Variants in TUBGCP2 observed in about 807,000 individuals in gnomAD.
TUBGCP2 encodes gamma-tubulin complex component 2.
A neutral mutation model predicts 92.2 loss-of-function variants in TUBGCP2; 55 were observed. The observed-to-expected ratio is 0.60, with a 90% CI of 0.48 to 0.75. The LOEUF (loss-of-function observed/expected upper bound fraction) is 0.75, where lower values mean the gene tolerates loss of function less well. TUBGCP2 is among the 30% of genes least tolerant of loss of function. TUBGCP2 has a pLI of 0.00. For missense variants in TUBGCP2, 1,093 were observed against 1,188.9 expected, an observed-to-expected ratio of 0.92 and a Z score of 1.19; for synonymous variants, 533 against 505.2, an observed-to-expected ratio of 1.06 and a Z score of -0.74.
rs1364663513 is a variant in TUBGCP2 at position 133,285,854 on chromosome 10, C to A, written c.1723-226G>T. ...AAACAACAAAAATTCAGATGAATTA[C>A]TTTGTAAATACCCACTGCTGCTGTG... On this transcript the variant is annotated intron_variant, in intron 11 of 17. Coordinates refer to ENST00000252936, the MANE Select transcript of TUBGCP2 (RefSeq NM_006659.4). This position sits in a 1 kb window ranked among gnomAD's most constrained non-coding sequence, Gnocchi z 6.8. Among the ~76,000 whole-genome samples, 1 of 152,112 alleles carries A rather than the reference C, an allele frequency of 6.6e-6. No individual in the cohort carries two copies. The highest frequency in any genetic ancestry group is 2.4e-5 in the African/African-American group (1 of 41,420).
In TUBGCP2 at chr10:133,288,820, G is replaced by C. The variant is rs779121834; in HGVS notation, c.1541+20C>G. The stretch of plus-strand genomic sequence containing the variant: ...TCAGAGGGAGGTGAGTGCCCGCACA[G>C]GGACAGGGCACGGAATCACCTGAGG... On this transcript the variant is annotated intron_variant, in intron 10 of 17. Coordinates refer to ENST00000252936, the MANE Select transcript of TUBGCP2 (RefSeq NM_006659.4). 4 of 1,587,076 alleles carry C rather than the reference G, an allele frequency of 2.5e-6. No homozygotes were observed.
intron 8 of TUBGCP2, chr10:133,291,177 TGTGCTTTCCTGA>T (rs1292295084): frequency 4.8e-6 from 2 of 417,394 alleles, no homozygotes; most frequent in East Asian, 8.0e-5. Context: ...CTGCCCGGGG[TGTGCTTTCCTGA>T]GACCACAAGC....
At chr10:133,299,960 T>C (rs748437332) in intron 3 of TUBGCP2, 25 bp downstream of exon 3, 1 of 1,612,584 alleles carries the variant, frequency 6.2e-7, no homozygotes. Flanking sequence ...ACGGGCGCAG[T>C]GTGGCACGTG....
chr10:133,300,202 C>T, intron 2 of TUBGCP2, 89 bp from the exon 3 acceptor site: 2 of 1,465,018 alleles, frequency 1.4e-6, no homozygotes, highest in Non-Finnish European at 1.9e-6. Flanking sequence ...CACAATAAGC[C>T]AATGGAATTA....
chr10:133,299,710 C>T, intron 3 of TUBGCP2, 107 bp from the exon 4 acceptor site: 1 of 1,022,904 alleles, frequency 9.8e-7, no homozygotes, highest in South Asian at 1.6e-5. Context: ...CTGACAGGCA[C>T]CCATTAATAG....
At chr10:133,293,426 T>G (rs1476044961) in intron 6 of TUBGCP2, 136 bp downstream of exon 6, 4 of 1,223,052 alleles carry the variant, frequency 3.3e-6, no homozygotes, top group Non-Finnish European at 3.4e-6. Context: ...CCTCCAAAAC[T>G]GAGTTGGGCA....
chr10:133,311,257 C>G (rs1008133212), upstream of TUBGCP2, among the ~76,000 whole-genome samples: 2 of 152,178 alleles, frequency 1.3e-5, no homozygotes, highest in African/African-American at 4.8e-5. Context: ...GGAGAACCCA[C>G]TGCAATGTGG....
upstream of TUBGCP2, among the ~76,000 whole-genome samples, chr10:133,310,889 C>G (rs1847976591): frequency 6.6e-6 from 1 of 152,070 alleles, no homozygotes; most frequent in Non-Finnish European, 1.5e-5. Context: ...GCAACCTCCA[C>G]TTCTCAGGCT....
At chr10:133,293,382 G>A in intron 6 of TUBGCP2, 144 bp from the exon 7 acceptor site, 2 of 1,202,654 alleles carry the variant, frequency 1.7e-6, no homozygotes, top group Non-Finnish European at 1.2e-6. Flanking sequence ...CCCAGGAGGA[G>A]ATGAGTCAGG....
At chr10:133,288,706 C>G (rs1216916660) in intron 10 of TUBGCP2, 134 bp downstream of exon 10, 1 of 1,060,634 alleles carries the variant, frequency 9.4e-7, no homozygotes, top group Admixed American at 2.8e-5. Flanking sequence ...AGCTAGAGAC[C>G]ATCCAGCAGT....
chr10:133,282,231 C>T lies in TUBGCP2; in HGVS notation c.2401G>A (p.Ala801Thr), dbSNP rs767506396. Residue 801 changes from alanine to threonine, a missense_variant, in exon 16 of 18, where the codon GCC becomes ACC. Ala to Thr is a moderately conservative substitution (Grantham distance 58, BLOSUM62 0). Transcript: ENST00000252936. ...GAEERARKEL[A>T]RKHLAEHADT... ...ACCTGGAGGCCACGCACCTTCCTGG[C>T]GAGCTCCTTCCGGGCCCGCTCCTCG... 9.3e-6 allele frequency: 15 copies of T among 1,611,516 alleles called. No homozygotes were observed. Among genetic ancestry groups the T allele is most frequent in the African/African-American group, 6.7e-5 (5 of 74,858 alleles).
rs768169748 is a variant in TUBGCP2, at chr10:133,299,533, G to A, written c.350C>T (p.Thr117Ile). ...CGCGGCAGGGACGTTGATGCTGGTG[G>A]TACTGCTGCCCACAGCAGCGGCTGC... ...ELAAAAVGSS[T>I]TSINVPAAAS... Residue 117 changes from threonine to isoleucine, a missense_variant, in exon 4 of 18, where the codon ACC (threonine) becomes ATC (isoleucine). By Grantham distance (89) the Thr-to-Ile change is moderately conservative. Transcript: ENST00000252936. 1.2e-6 allele frequency: 2 copies of A among 1,613,884 alleles called. No homozygotes were observed. The highest frequency in any genetic ancestry group is 2.2e-5 in the South Asian group (2 of 91,082).
chr10:133,307,661 C>T (rs1847857638), intron 1 of TUBGCP2, among the ~76,000 whole-genome samples: 1 of 152,214 alleles, frequency 6.6e-6, no homozygotes, highest in Non-Finnish European at 1.5e-5. Context: ...ACGAGAATCG[C>T]TTGAACCCAG....
Position 133,284,795 on chromosome 10 carries a change from G to T in TUBGCP2, c.2024+290C>A, listed in dbSNP as rs547432854. 7.9e-4 allele frequency among the ~76,000 whole-genome samples: 121 copies of T among 152,360 alleles called. 1 individual carries two copies. The highest frequency in any genetic ancestry group is 1.4e-3 in the Non-Finnish European group (95 of 68,032). ...GGGAGGAGCTAGTGTCCTGCACACC[G>T]ACCTGGGCAGTCTCCATGCCCGTGC... On this transcript the variant is annotated intron_variant, in intron 13 of 17. Transcript: ENST00000252936.
chr10:133,299,009 C>T (rs941509045), intron 4 of TUBGCP2, among the ~76,000 whole-genome samples: 2 of 152,200 alleles, frequency 1.3e-5, no homozygotes, highest in Non-Finnish European at 1.5e-5. Context: ...GAGCAAGTAG[C>T]AAATACAGAA....
intron 5 of TUBGCP2, among the ~76,000 whole-genome samples, chr10:133,297,000 G>A (rs1485158941): frequency 6.6e-6 from 1 of 152,218 alleles, no homozygotes; most frequent in South Asian, 2.1e-4. Context: ...TGAGTAGTGG[G>A]GAAGCAGACC....
intron 8 of TUBGCP2, chr10:133,290,353 C>T (rs188720862): frequency 2.8e-3 from 520 of 185,728 alleles, no homozygotes; most frequent in African/African-American, 0.01. Flanking sequence ...ATCAGCTGGG[C>T]GTGGTGGTGT....
intron 1 of TUBGCP2, among the ~76,000 whole-genome samples, chr10:133,305,888 T>G (rs544916439): frequency 6.6e-6 from 1 of 152,196 alleles, no homozygotes; most frequent in African/African-American, 2.4e-5. Context: ...CCCCATGCAG[T>G]CTGGACACTG....
intron 9 of TUBGCP2, 134 bp from the exon 10 acceptor site, chr10:133,289,154 T>C (rs1847209388): frequency 1.7e-5 from 17 of 1,024,626 alleles, no homozygotes; most frequent in Non-Finnish European, 2.4e-5. Context: ...GCCCCAGCTG[T>C]CTTTGTCTAC....
Sources: allele counts gnomAD v4.1 joint callset (sites outside exome capture counted in the v4.1 genomes callset), GRCh38; gene constraint gnomAD v4.1.1; non-coding constraint Gnocchi (gnomAD v3.1); transcripts MANE v1.5; gene names NCBI Gene and HGNC (gene_info 2026-07-23, HGNC 2026-07-21).